The following KBTBD2 variants were observed in gnomAD, a reference collection of about 807,000 sequenced individuals.
KBTBD2 encodes the protein kelch repeat and BTB domain containing 2.
A neutral mutation model predicts 57.1 loss-of-function variants in KBTBD2; 17 were observed. The observed-to-expected ratio is 0.30, with a 90% CI of 0.20 to 0.45. The LOEUF (loss-of-function observed/expected upper bound fraction) is 0.45, where lower values mean the gene tolerates loss of function less well. Ranked by LOEUF, KBTBD2 falls within the 20% of genes least tolerant of loss-of-function variation. The pLI is 1.00. For missense variants in KBTBD2, 515 were observed against 750.6 expected (o/e 0.69, Z 3.67); for synonymous variants, 267 against 262.7 (o/e 1.02, Z -0.16).
chr7:32,875,244 T>A, intron 2 of KBTBD2, 87 bp from the exon 3 acceptor site: 1 of 1,201,008 alleles, frequency 8.3e-7, no homozygotes, highest in African/African-American at 1.5e-5. Flanking sequence ...CAATAAGAGG[T>A]GTTTATTTAG....
intron 1 of KBTBD2, among the ~76,000 whole-genome samples, chr7:32,890,524 AT>A (rs1784705491): frequency 6.6e-6 from 1 of 152,218 alleles, no homozygotes; most frequent in Non-Finnish European, 1.5e-5. Flanking sequence ...ATCCCTGTTA[AT>A]TAGTTGCCTC....
rs779160208 is a variant in KBTBD2, at chr7:32,868,446, G to A, written c.*899C>T. ...CAACAGGTTAAAAAAAACACACCCTGACAGCTAACAGATCTATACACAATC... is the reference window on the plus strand; with the variant it reads ...CAACAGGTTAAAAAAAACACACCCTAACAGCTAACAGATCTATACACAATC... On this transcript the variant is annotated 3_prime_UTR_variant, in exon 4 of 4. Transcript: ENST00000304056. The A allele has an allele frequency of 1.3e-5, 2 of 152,526 alleles. No individual in the cohort carries two copies. Among genetic ancestry groups the A allele is most frequent in the Non-Finnish European group, 2.9e-5 (2 of 68,044 alleles). The allele number at this position is 152,526 out of a possible 1,614,324, so 9.4% of individuals were successfully genotyped here.
chr7:32,891,170 C>T (rs1437485972), intron 1 of KBTBD2: 10 of 151,486 alleles, frequency 6.6e-5, no homozygotes, highest in South Asian at 2.1e-4. Context: ...AACAGCTTTA[C>T]TTCGGTAAGG....
At position 32,870,475 on chromosome 7, in the gene KBTBD2, C is replaced by T; in HGVS notation, c.742G>A (p.Gly248Ser). The T allele has an allele frequency of 6.2e-7, 1 of 1,613,800 alleles. No individual in the cohort carries two copies. The highest frequency in any genetic ancestry group is 8.5e-7 in the Non-Finnish European group (1 of 1,179,876). Residue 248 changes from glycine (G) to serine (S), a missense_variant, in exon 4 of 4, where the codon GGT becomes AGT. Gly to Ser is a moderately conservative substitution (Grantham distance 56). Coordinates refer to ENST00000304056, the MANE Select transcript of KBTBD2 (RefSeq NM_015483.3). Reference sequence around the variant, plus strand: ...AACTTGGGCATGGACTTATACAGACCTTGAACCACCACTGACTTATCATTG... The same window carrying T: ...AACTTGGGCATGGACTTATACAGACTTTGAACCACCACTGACTTATCATTG... Reference protein sequence around the residue: ...PPNDKSVVVQGLYKSMPKFFK... With the variant: ...PPNDKSVVVQSLYKSMPKFFK...
At chr7:32,882,330 C>G (rs1276696591) in intron 1 of KBTBD2, among the ~76,000 whole-genome samples, 1 of 152,190 alleles carries the variant, frequency 6.6e-6, no homozygotes, top group Admixed American at 6.5e-5. Context: ...TGCCGCTAGA[C>G]CCCAGAATTT....
chr7:32,882,963 T>C (rs1784479889), intron 1 of KBTBD2, among the ~76,000 whole-genome samples: 1 of 151,990 alleles, frequency 6.6e-6, no homozygotes, highest in African/African-American at 2.4e-5. Context: ...CCAGCCCAAG[T>C]CACAGAGCAA....
At chr7:32,880,319 T>C (rs1325177799) in intron 1 of KBTBD2, among the ~76,000 whole-genome samples, 1 of 152,124 alleles carries the variant, frequency 6.6e-6, no homozygotes, top group Non-Finnish European at 1.5e-5. Flanking sequence ...AAAAAATATT[T>C]TTTTAAAAAA....
chr7:32,878,050 T>C (rs2127952514), intron 2 of KBTBD2, among the ~76,000 whole-genome samples: 1 of 151,112 alleles, frequency 6.6e-6, no homozygotes, highest in African/African-American at 2.4e-5. Context: ...AGGCAGAGGT[T>C]GCAGTGAGTC....
intron 1 of KBTBD2, among the ~76,000 whole-genome samples, chr7:32,886,965 G>A (rs1013804371): frequency 1.3e-5 from 2 of 151,196 alleles, no homozygotes; most frequent in Admixed American, 1.3e-4. Context: ...GCTTTTTGGG[G>A]GGAGGCAATG....
rs1453294068 is a variant in KBTBD2, at chr7:32,879,587, C to G, written c.18G>C (p.Glu6Asp). MSTQD[E>D]RQINTEYAVS... ...CAGCATATTCAGTATTGATCTGCCT[C>G]TCGTCTTGAGTGGACATGACTGTAT... Residue 6 changes from glutamate to aspartate, a missense_variant, in exon 2 of 4, where the codon GAG (glutamate) becomes GAC (aspartate). Glu to Asp is a conservative substitution (Grantham distance 45). Transcript: ENST00000304056. The G allele has an allele frequency of 1.2e-6, 2 of 1,613,132 alleles. No homozygotes were observed. Among genetic ancestry groups the G allele is most frequent in the African/African-American group, 2.7e-5 (2 of 74,902 alleles).
intron 3 of KBTBD2, chr7:32,874,628 AT>A (rs1377656744): frequency 6.4e-6 from 1 of 155,160 alleles, no homozygotes; most frequent in African/African-American, 2.4e-5. Flanking sequence ...ATGTTTAACA[AT>A]GTTTCCTCAC....
Position 32,870,472 on chromosome 7 carries a change from G to T in KBTBD2, c.745C>A (p.Leu249Met). The change falls in exon 4 of 4, where the codon CTG becomes ATG. Residue 249 changes from leucine (L) to methionine (M), a missense_variant. Physicochemically the swap from Leu to Met is conservative, Grantham distance 15. Transcript: ENST00000304056. Reference protein sequence around the residue: ...PNDKSVVVQGLYKSMPKFFKP... With the variant: ...PNDKSVVVQGMYKSMPKFFKP... ...AAAAACTTGGGCATGGACTTATACA[G>T]ACCTTGAACCACCACTGACTTATCA... 1 of 1,613,866 alleles carries T rather than the reference G, an allele frequency of 6.2e-7. No individual in the cohort carries two copies. The highest frequency in any genetic ancestry group is 8.5e-7 in the Non-Finnish European group (1 of 1,179,888).
intron 1 of KBTBD2, among the ~76,000 whole-genome samples, chr7:32,880,962 G>A (rs948384729): frequency 3.3e-5 from 5 of 151,994 alleles, no homozygotes; most frequent in Non-Finnish European, 5.9e-5. Context: ...TTAGCTGGCC[G>A]TGGTAGTGTG....
Position 32,879,879 on chromosome 7 carries a change from A to G in KBTBD2, c.-275T>C, listed in dbSNP as rs967085134. 3.3e-5 allele frequency: 11 copies of G among 328,966 alleles called. No homozygotes were observed. The highest frequency in any genetic ancestry group is 2.4e-4 in the African/African-American group (11 of 45,784). The allele number at this position is 328,966 out of a possible 1,614,324, so 20.4% of individuals were successfully genotyped here. On this transcript the variant is annotated 5_prime_UTR_variant, in exon 2 of 4. Coordinates refer to ENST00000304056, the MANE Select transcript of KBTBD2 (RefSeq NM_015483.3). ...TGCAATTGTGCAGCTCATGAGTGAAAGAGAAAAATACACGAGGTAGATTTT... is the reference window on the plus strand; with the variant it reads ...TGCAATTGTGCAGCTCATGAGTGAAGGAGAAAAATACACGAGGTAGATTTT...
intron 1 of KBTBD2, among the ~76,000 whole-genome samples, chr7:32,881,376 T>C (rs1784441671): frequency 6.6e-6 from 1 of 152,110 alleles, no homozygotes; most frequent in Non-Finnish European, 1.5e-5. Context: ...GCTACTAATA[T>C]GTTAACTATA....
intron 1 of KBTBD2, among the ~76,000 whole-genome samples, chr7:32,883,783 C>T (rs1784500674): frequency 6.6e-6 from 1 of 152,166 alleles, no homozygotes; most frequent in Admixed American, 6.5e-5. Flanking sequence ...CCAATCATTG[C>T]ACTTTACATA....
intron 1 of KBTBD2, among the ~76,000 whole-genome samples, chr7:32,889,030 T>G (rs1301793285): frequency 6.6e-6 from 1 of 152,164 alleles, no homozygotes; most frequent in South Asian, 2.1e-4. Context: ...TGGGGAAAAG[T>G]GGCCAGGCGC....
chr7:32,880,600 C>T (rs1177562097), intron 1 of KBTBD2, among the ~76,000 whole-genome samples: 1 of 150,260 alleles, frequency 6.7e-6, no homozygotes, highest in Non-Finnish European at 1.5e-5. Context: ...ACCCAGAAAA[C>T]TCCATATTAC....
intron 2 of KBTBD2, among the ~76,000 whole-genome samples, chr7:32,878,009 G>A (rs1784355430): frequency 6.6e-6 from 1 of 151,822 alleles, no homozygotes; most frequent in African/African-American, 2.4e-5. Context: ...CTACTTGTGA[G>A]GCTGAGGCAC....
Sources: gnomAD v4.1 joint callset for allele counts (sites outside exome capture counted in the v4.1 genomes callset) on GRCh38, gnomAD v4.1.1 for gene constraint, MANE v1.5 for transcripts, NCBI Gene and HGNC (gene_info 2026-07-23, HGNC 2026-07-21) for gene names.